The following MAPK15 variants were observed in gnomAD, a reference collection of about 807,000 sequenced individuals.
The protein encoded by MAPK15 is mitogen-activated protein kinase 15.
Under a neutral mutation model 60.8 loss-of-function variants are expected in MAPK15, and 61 were observed. That is an observed-to-expected ratio of 1.00 (90% confidence interval 0.82 to 1.24). The LOEUF is 1.24. Ranked by LOEUF, MAPK15 falls within the 50% of genes most tolerant of loss-of-function variation. The pLI is 0.00. For missense variants in MAPK15, 808 were observed against 741.1 expected (o/e 1.09, Z -1.05); for synonymous variants, 356 against 319.9 (o/e 1.11, Z -1.21).
Position 143,716,368 on chromosome 8 carries a change from C to T in MAPK15, c.-10C>T, listed in dbSNP as rs1817807561. 1.9e-6 allele frequency: 3 copies of T among 1,590,942 alleles called. No individual in the cohort carries two copies. The highest frequency in any genetic ancestry group is 2.6e-6 in the Non-Finnish European group (3 of 1,171,592). ...CTCAACAGTAAGGCCCCGCGGGCGTCCTGGCCGCCATGTGCACCGTAGTGG... is the reference window on the plus strand; with the variant it reads ...CTCAACAGTAAGGCCCCGCGGGCGTTCTGGCCGCCATGTGCACCGTAGTGG... On this transcript the variant is annotated 5_prime_UTR_variant, in exon 1 of 14. Coordinates refer to ENST00000338033, the MANE Select transcript of MAPK15 (RefSeq NM_139021.3).
chr8:143,721,928 T>C, intron 13 of MAPK15, 48 bp downstream of exon 13: 1 of 1,504,288 alleles, frequency 6.6e-7, no homozygotes, highest in East Asian at 2.3e-5. Flanking sequence ...CCTTTCCCCT[T>C]TCCCCTTCCC....
At position 143,720,953 on chromosome 8, in the gene MAPK15, GGCTCCCTTGGCC is replaced by G; in HGVS notation, c.918-44_918-33del. On this transcript the variant is annotated intron_variant, in intron 9 of 13. Transcript: ENST00000338033. The surrounding 1 kb of genome is among the most constrained non-coding windows in gnomAD (Gnocchi z 4.6). ...GGGACCCTGCTGTGACGGCTTGAGGGGCTCCCTTGGCCGCAGCCCGGGCCCCACCTCCCTGGC... is the reference window on the plus strand; with the variant it reads ...GGGACCCTGCTGTGACGGCTTGAGGGGCAGCCCGGGCCCCACCTCCCTGGC... 1 of 1,582,540 alleles carries G rather than the reference GGCTCCCTTGGCC, an allele frequency of 6.3e-7. No individual in the cohort carries two copies. Among genetic ancestry groups the G allele is most frequent in the South Asian group, 1.1e-5 (1 of 88,448 alleles).
Position 143,720,903 on chromosome 8 carries a change from C to G in MAPK15, c.917+63C>G. 1 of 1,586,864 alleles carries G rather than the reference C, an allele frequency of 6.3e-7. No individual in the cohort carries two copies. The highest frequency in any genetic ancestry group is 8.6e-7 in the Non-Finnish European group (1 of 1,166,092). On this transcript the variant is annotated intron_variant, in intron 9 of 13. Coordinates refer to ENST00000338033, the MANE Select transcript of MAPK15 (RefSeq NM_139021.3). The surrounding 1 kb of genome is among the most constrained non-coding windows in gnomAD (Gnocchi z 4.6). ...AGAGGTGGGGGCAGGAGAGAGCCAG[C>G]CCATGAGGGACAGCCCCCACAGCAG...
chr8:143,718,982 C>A lies in MAPK15; in HGVS notation c.418-11C>A. The A allele has an allele frequency of 6.2e-7, 1 of 1,604,870 alleles. No individual in the cohort carries two copies. Among genetic ancestry groups the A allele is most frequent in the Non-Finnish European group, 8.5e-7 (1 of 1,175,610 alleles). The stretch of plus-strand genomic sequence containing the variant: ...CCAGCCCCGGGGCCTCAGCCTGCCT[C>A]CTCTCTGCAGCCGTCCAATGTGCTC... On this transcript the variant is annotated splice_polypyrimidine_tract_variant and intron_variant, in intron 5 of 13. Transcript: ENST00000338033.
At chr8:143,716,824 C>A (rs1368086665) in intron 1 of MAPK15, among the ~76,000 whole-genome samples, 2 of 152,180 alleles carry the variant, frequency 1.3e-5, no homozygotes, top group African/African-American at 2.4e-5. Flanking sequence ...CTCAGGAGCA[C>A]AGGGGCGAGG....
Position 143,716,356 on chromosome 8 carries a change from C to A in MAPK15, c.-22C>A. 2.5e-6 allele frequency: 4 copies of A among 1,587,938 alleles called. No individual in the cohort carries two copies. Among genetic ancestry groups the A allele is most frequent in the Non-Finnish European group, 3.4e-6 (4 of 1,170,574 alleles). ...CACGGCAACCGACTCAACAGTAAGG[C>A]CCCGCGGGCGTCCTGGCCGCCATGT... On this transcript the variant is annotated 5_prime_UTR_variant, in exon 1 of 14. Transcript: ENST00000338033.
In MAPK15 at chr8:143,718,086, C is replaced by T. The variant is rs1817882432; in HGVS notation, c.195+10C>T. On this transcript the variant is annotated intron_variant, in intron 3 of 13. Coordinates refer to ENST00000338033, the MANE Select transcript of MAPK15 (RefSeq NM_139021.3). ...AATCACGCTCCTCCAGGTGAGTGGC[C>T]TGGGCCCTCCAGTCCAATCCCCTTG... 1 of 1,614,098 alleles carries T rather than the reference C, an allele frequency of 6.2e-7. No individual in the cohort carries two copies. The highest frequency in any genetic ancestry group is 8.5e-7 in the Non-Finnish European group (1 of 1,179,990).
At chr8:143,719,965 C>T (rs139250515) in intron 7 of MAPK15, among the ~76,000 whole-genome samples, 148 of 152,104 alleles carry the variant, frequency 9.7e-4, no homozygotes, top group African/African-American at 3.1e-3. Flanking sequence ...CCTCCTGGGC[C>T]GTGGAGGTGG....
rs1257933017 is a variant in MAPK15 at position 143,720,518 on chromosome 8, G to C, written c.780-185G>C. 1.4e-6 allele frequency: 2 copies of C among 1,452,956 alleles called. No individual in the cohort carries two copies. The highest frequency in any genetic ancestry group is 2.9e-5 in the African/African-American group (2 of 69,804). The allele number at this position is 1,452,956 out of a possible 1,614,324, so 90.0% of individuals were successfully genotyped here. On this transcript the variant is annotated intron_variant, in intron 8 of 13. Transcript: ENST00000338033. This position sits in a 1 kb window ranked among gnomAD's most constrained non-coding sequence, Gnocchi z 4.6. ...CCAGGGCGTGGAGAGGAGGGCACCAGGGGGCCGCAGGGGTCTCTCCACCCT... is the reference window on the plus strand; with the variant it reads ...CCAGGGCGTGGAGAGGAGGGCACCACGGGGCCGCAGGGGTCTCTCCACCCT...
chr8:143,722,359 T>TG lies in MAPK15; in HGVS notation c.*109dup. The TG allele has an allele frequency of 9.2e-7, 1 of 1,087,692 alleles. No homozygotes were observed. The highest frequency in any genetic ancestry group is 1.7e-5 in the South Asian group (1 of 58,978). The allele number at this position is 1,087,692 out of a possible 1,614,324, so 67.4% of individuals were successfully genotyped here. A position where few individuals can be genotyped will look rare whatever the true frequency, so the allele number is the denominator to read the frequency against. Reference sequence around the variant, plus strand: ...GCCCTCCCTGCTTTGCCTGGCCCGTTGAAGTTCCAGGGAGCTTGCCCGGGT... The same window carrying TG: ...GCCCTCCCTGCTTTGCCTGGCCCGTTGGAAGTTCCAGGGAGCTTGCCCGGGT... On this transcript the variant is annotated 3_prime_UTR_variant, in exon 14 of 14. Coordinates refer to ENST00000338033, the MANE Select transcript of MAPK15 (RefSeq NM_139021.3).
At position 143,721,749 on chromosome 8, in the gene MAPK15, C is replaced by G; in HGVS notation, c.1330-3C>G. On this transcript the variant is annotated splice_region_variant and splice_polypyrimidine_tract_variant and intron_variant, in intron 12 of 13. Coordinates refer to ENST00000338033, the MANE Select transcript of MAPK15 (RefSeq NM_139021.3). ...AGTGACCCTGTGACATGGCCCTTCC[C>G]AGGTGAAGCCAAGCGGGAGGGGAGC... The G allele has an allele frequency of 6.2e-7, 1 of 1,613,580 alleles. No homozygotes were observed. Among genetic ancestry groups the G allele is most frequent in the East Asian group, 2.2e-5 (1 of 44,866 alleles).
intron 4 of MAPK15, 153 bp downstream of exon 4, chr8:143,718,455 G>A: frequency 1.3e-6 from 1 of 744,370 alleles, no homozygotes; most frequent in East Asian, 2.7e-5. Context: ...GGGACAGACA[G>A]CTGACTAGTG....
chr8:143,716,896 C>CTGTG (rs139694973), intron 1 of MAPK15, among the ~76,000 whole-genome samples: 19 of 151,422 alleles, frequency 1.3e-4, no homozygotes, highest in African/African-American at 4.4e-4. Flanking sequence ...CCTTGTGTAT[C>CTGTG]TGTGTGTGTG....
chr8:143,718,043 T>C lies in MAPK15; in HGVS notation c.166-4T>C. On this transcript the variant is annotated splice_region_variant and splice_polypyrimidine_tract_variant and intron_variant, in intron 2 of 13. Coordinates refer to ENST00000338033, the MANE Select transcript of MAPK15 (RefSeq NM_139021.3). Reference sequence around the variant, plus strand: ...CCCACACACCTGTGTTTCTGTCTCTTCAGAGAACATTCCGGGAAATCACGC... The same window carrying C: ...CCCACACACCTGTGTTTCTGTCTCTCCAGAGAACATTCCGGGAAATCACGC... 1 of 1,614,072 alleles carries C rather than the reference T, an allele frequency of 6.2e-7. No individual in the cohort carries two copies.
chr8:143,721,162 C>T, intron 10 of MAPK15, 57 bp downstream of exon 10: 4 of 1,593,870 alleles, frequency 2.5e-6, no homozygotes, highest in African/African-American at 1.3e-5. Context: ...GAGGCTGCCT[C>T]CTATGTCAGA....
chr8:143,718,865 G>C lies in MAPK15; in HGVS notation c.377G>C (p.Arg126Pro), dbSNP rs782765700. Residue 126 changes from arginine (R) to proline (P), a missense_variant, in exon 5 of 14, where the codon CGG becomes CCG. By Grantham distance (103) the Arg-to-Pro change is moderately radical. Coordinates refer to ENST00000338033, the MANE Select transcript of MAPK15 (RefSeq NM_139021.3). The part of the protein sequence containing the change: ...SIFYQLLRAT[R>P]FLHSGHVVHR... ...TTCTACCAGCTCCTGCGGGCCACCC[G>C]GTTCCTCCACTCGGGGCACGTTGTG... 31 of 1,611,530 alleles carry C rather than the reference G, an allele frequency of 1.9e-5. No homozygotes were observed. Among genetic ancestry groups the C allele is most frequent in the Non-Finnish European group, 2.4e-5 (28 of 1,179,464 alleles).
rs782579308 is a variant in MAPK15 at position 143,721,640 on chromosome 8, G to A, written c.1296G>A (p.Gly432=). The A allele has an allele frequency of 3.1e-5, 50 of 1,609,896 alleles. No homozygotes were observed. The highest frequency in any genetic ancestry group is 1.8e-4 in the East Asian group (8 of 44,830). Residue 432 remains glycine, a synonymous_variant, in exon 12 of 14, where the codon GGG becomes GGA. Transcript: ENST00000338033. Reference sequence around the variant, plus strand: ...TAGGGAATGGGGAAAGGCCCCCTGGGGCGAAGGAAGCGCCCCCCTTGACAC... The same window carrying A: ...TAGGGAATGGGGAAAGGCCCCCTGGAGCGAAGGAAGCGCCCCCCTTGACAC... ...ALLGNGERPP[G]AKEAPPLTLS...
intron 4 of MAPK15, 48 bp from the exon 5 acceptor site, chr8:143,718,727 G>GTCCCCCCCCCC: frequency 9.7e-6 from 5 of 514,522 alleles, no homozygotes; most frequent in South Asian, 8.2e-5. Flanking sequence ...CCCCCAGGTT[G>GTCCCCCCCCCC]CCCCCCCAGC....
intron 4 of MAPK15, 162 bp downstream of exon 4, chr8:143,718,464 T>C: frequency 1.4e-6 from 1 of 720,190 alleles, no homozygotes; most frequent in Non-Finnish European, 2.4e-6. Flanking sequence ...AGCTGACTAG[T>C]GTCAGCCTCC....
Sources: allele counts gnomAD v4.1 joint callset (sites outside exome capture counted in the v4.1 genomes callset), GRCh38; gene constraint gnomAD v4.1.1; non-coding constraint Gnocchi (gnomAD v3.1); transcripts MANE v1.5; gene names NCBI Gene and HGNC (gene_info 2026-07-23, HGNC 2026-07-21).